MSRA: variants seen among roughly 807,000 people sequenced by gnomAD.
MSRA encodes the protein methionine sulfoxide reductase A.
In MSRA, 54 loss-of-function variants were observed where a neutral mutation model predicts 31.3. The observed-to-expected ratio is 1.73, with a 90% CI of 1.39 to 2.17. The LOEUF (loss-of-function observed/expected upper bound fraction) is 2.17, where lower values mean the gene tolerates loss of function less well. MSRA is among the 30% of genes most tolerant of loss of function. The pLI is 0.00. For missense variants in MSRA, 507 were observed against 300.9 expected (o/e 1.69, Z -5.07); for synonymous variants, 169 against 116.5 (o/e 1.45, Z -2.90).
At chr8:10,350,553 G>A (rs1329153424) in intron 5 of MSRA, among the ~76,000 whole-genome samples, 1 of 152,194 alleles carries the variant, frequency 6.6e-6, no homozygotes, top group East Asian at 1.9e-4. Flanking sequence ...GACGACCATC[G>A]ATGTCTCACC....
intron 5 of MSRA, among the ~76,000 whole-genome samples, chr8:10,345,897 C>G (rs1803741051): frequency 6.6e-6 from 1 of 152,182 alleles, no homozygotes; most frequent in Non-Finnish European, 1.5e-5. Context: ...TTAGTCTAAC[C>G]ACTTGGCAAC....
chr8:10,290,609 T>C (rs1800181289), intron 3 of MSRA, among the ~76,000 whole-genome samples: 1 of 151,894 alleles, frequency 6.6e-6, no homozygotes, highest in Admixed American at 6.6e-5. Flanking sequence ...ATTCCATTGG[T>C]GGGGTGGAGG....
chr8:10,084,710 G>C (rs1798466676), intron 1 of MSRA, among the ~76,000 whole-genome samples: 1 of 152,190 alleles, frequency 6.6e-6, no homozygotes, highest in South Asian at 2.1e-4. Flanking sequence ...GACACAGAAG[G>C]AGAAGCGTTT....
intron 4 of MSRA, among the ~76,000 whole-genome samples, chr8:10,319,282 T>C (rs945481875): frequency 6.6e-6 from 1 of 152,150 alleles, no homozygotes; most frequent in Non-Finnish European, 1.5e-5. Flanking sequence ...GCTGTTTCAC[T>C]CTGGGGCACT....
chr8:10,354,599 G>A (rs1241779334), intron 5 of MSRA, among the ~76,000 whole-genome samples: 1 of 152,002 alleles, frequency 6.6e-6, no homozygotes, highest in Non-Finnish European at 1.5e-5. Flanking sequence ...GTATATTCGT[G>A]AAATATCGGT....
At chr8:10,320,125 C>A in intron 5 of MSRA, 136 bp downstream of exon 5, 1 of 589,380 alleles carries the variant, frequency 1.7e-6, no homozygotes, top group Non-Finnish European at 3.0e-6. Context: ...TTCTGTCAGC[C>A]TCTAGGAGTG....
At chr8:10,079,839 C>T (rs1439366859) in intron 1 of MSRA, among the ~76,000 whole-genome samples, 1 of 152,174 alleles carries the variant, frequency 6.6e-6, no homozygotes, top group Non-Finnish European at 1.5e-5. Flanking sequence ...TTTTGGCTTG[C>T]TATTAATTTG....
At chr8:10,392,417 T>C (rs1806802669) in intron 5 of MSRA, among the ~76,000 whole-genome samples, 1 of 152,142 alleles carries the variant, frequency 6.6e-6, no homozygotes, top group Non-Finnish European at 1.5e-5. Flanking sequence ...CTGGTCAGTG[T>C]CAAGGCTGGG....
chr8:10,155,295 T>G (rs1334117604), intron 1 of MSRA, among the ~76,000 whole-genome samples: 1 of 152,182 alleles, frequency 6.6e-6, no homozygotes, highest in Non-Finnish European at 1.5e-5. Context: ...CACCAACATT[T>G]TCACTGTGGA....
intron 1 of MSRA, among the ~76,000 whole-genome samples, chr8:10,137,184 C>G (rs989496966): frequency 6.6e-6 from 1 of 152,102 alleles, no homozygotes. Flanking sequence ...ATCATTGGAG[C>G]CTTCTTTATT....
intron 4 of MSRA, among the ~76,000 whole-genome samples, chr8:10,308,441 G>A (rs1342091009): frequency 1.3e-5 from 2 of 152,158 alleles, no homozygotes; most frequent in Non-Finnish European, 2.9e-5. Flanking sequence ...GACCACGTAG[G>A]TCCTCCAGTA....
chr8:10,176,714 A>G (rs1279361715), intron 1 of MSRA, among the ~76,000 whole-genome samples: 1 of 152,210 alleles, frequency 6.6e-6, no homozygotes, highest in Non-Finnish European at 1.5e-5. Flanking sequence ...GACCAGACTT[A>G]CGAAGTGAAC....
chr8:10,096,426 T>A (rs971524160), intron 1 of MSRA: 2 of 353,430 alleles, frequency 5.7e-6, no homozygotes, highest in African/African-American at 4.4e-5. Flanking sequence ...TGAATTCTCA[T>A]TGTGAGAAGG....
chr8:10,260,577 C>T (rs1798426617), intron 3 of MSRA, among the ~76,000 whole-genome samples: 1 of 152,130 alleles, frequency 6.6e-6, no homozygotes, highest in Admixed American at 6.5e-5. Flanking sequence ...CCAGGGACCA[C>T]AAATGCCTGC....
Position 10,123,509 on chromosome 8 carries a change from C to G in MSRA, c.142+68851C>G, listed in dbSNP as rs10096697. Among the ~76,000 whole-genome samples, 231 of 152,244 alleles carry G rather than the reference C, an allele frequency of 1.5e-3. 3 individuals carry two copies. The highest frequency in any genetic ancestry group is 5.1e-3 in the African/African-American group (214 of 41,568). Reference sequence around the variant, plus strand: ...GATAGTTTCTTTTGCTGTGCAGAAGCTCTTTAGTTTAATTAGATCCCATTT... The same window carrying G: ...GATAGTTTCTTTTGCTGTGCAGAAGGTCTTTAGTTTAATTAGATCCCATTT... On this transcript the variant is annotated intron_variant, in intron 1 of 5. Transcript: ENST00000317173.
At chr8:10,126,011 T>G (rs985637445) in intron 1 of MSRA, among the ~76,000 whole-genome samples, 1 of 152,138 alleles carries the variant, frequency 6.6e-6, no homozygotes, top group Non-Finnish European at 1.5e-5. Context: ...TCAGCCAACT[T>G]TTAGGGCAAG....
At chr8:10,401,516 G>A (rs6601452) in intron 5 of MSRA, among the ~76,000 whole-genome samples, 151,129 of 152,346 alleles carry the variant, frequency 0.99, 74,975 homozygotes, top group Middle Eastern at 1. Flanking sequence ...GTTCCTCAAG[G>A]AGTTAAACGT....
chr8:10,297,908 G>C (rs928922801), intron 3 of MSRA, among the ~76,000 whole-genome samples: 1 of 152,204 alleles, frequency 6.6e-6, no homozygotes, highest in Non-Finnish European at 1.5e-5. Context: ...CCTCGTGTCA[G>C]TTACCACACA....
chr8:10,396,856 G>T (rs1807127731), intron 5 of MSRA, among the ~76,000 whole-genome samples: 1 of 152,212 alleles, frequency 6.6e-6, no homozygotes, highest in African/African-American at 2.4e-5. Flanking sequence ...GTTGAGTAAA[G>T]CCTTCCCTGA....
Sources: allele counts gnomAD v4.1 joint callset (sites outside exome capture counted in the v4.1 genomes callset), GRCh38; gene constraint gnomAD v4.1.1; transcripts MANE v1.5; gene names NCBI Gene and HGNC (gene_info 2026-07-23, HGNC 2026-07-21).